Variants in SHISA9 observed in about 807,000 individuals in gnomAD.
SHISA9 encodes protein shisa-9.
Under a neutral mutation model 38.0 loss-of-function variants are expected in SHISA9, and 13 were observed. That is an observed-to-expected ratio of 0.34 (90% confidence interval 0.22 to 0.54). The LOEUF (loss-of-function observed/expected upper bound fraction) is 0.54, where lower values mean the gene tolerates loss of function less well. SHISA9 is among the 20% of genes least tolerant of loss of function. SHISA9 has a pLI of 0.91. For missense variants in SHISA9, 538 were observed against 575.8 expected (o/e 0.93, Z 0.67); for synonymous variants, 275 against 242.0 (o/e 1.14, Z -1.27).
the SHISA9 span, among the ~76,000 whole-genome samples, chr16:13,308,979 G>A: frequency 3.4e-4 from 52 of 151,898 alleles, no homozygotes; most frequent in East Asian, 1.9e-3. Context: ...TATGTGGGGA[G>A]GCTTAAAAGA....
At chr16:12,966,362 G>A (rs951314231) in intron 2 of SHISA9, among the ~76,000 whole-genome samples, 1 of 151,738 alleles carries the variant, frequency 6.6e-6, no homozygotes, top group Non-Finnish European at 1.5e-5. Context: ...ATCCTAAAGC[G>A]CTTTATCTCT....
At chr16:13,331,563 T>A in the SHISA9 span, 2 of 152,142 alleles carry the variant, frequency 1.3e-5, no homozygotes, top group Non-Finnish European at 2.9e-5. Flanking sequence ...AGTGTGTTAA[T>A]TTTTTTTAAA....
intron 2 of SHISA9, among the ~76,000 whole-genome samples, chr16:13,161,493 C>T (rs2050594733): frequency 6.6e-6 from 1 of 152,132 alleles, no homozygotes; most frequent in South Asian, 2.1e-4. Flanking sequence ...TGACTTTGGG[C>T]ATTTTTCTCA....
chr16:13,251,219 C>G, the SHISA9 span, among the ~76,000 whole-genome samples: 1 of 152,186 alleles, frequency 6.6e-6, no homozygotes, highest in Non-Finnish European at 1.5e-5. Flanking sequence ...TCTCCATACT[C>G]AGAGGAAAAG....
At chr16:13,343,523 A>T in the SHISA9 span, among the ~76,000 whole-genome samples, 6 of 152,164 alleles carry the variant, frequency 3.9e-5, no homozygotes, top group Non-Finnish European at 5.9e-5. Context: ...AATGTAAAGC[A>T]TATTCCATGA....
chr16:13,367,712 G>GCACACACACACACACA, the SHISA9 span, among the ~76,000 whole-genome samples: 11 of 104,690 alleles, frequency 1.1e-4, no homozygotes, highest in African/African-American at 3.1e-4. Flanking sequence ...GCGCGCGCGC[G>GCACACACACACACACA]CACACACACA....
At chr16:12,959,879 C>T (rs2071886817) in intron 2 of SHISA9, among the ~76,000 whole-genome samples, 1 of 152,186 alleles carries the variant, frequency 6.6e-6, no homozygotes, top group African/African-American at 2.4e-5. Flanking sequence ...GAACATAATA[C>T]TGTTTATTTT....
At chr16:13,451,367 C>T in the SHISA9 span, among the ~76,000 whole-genome samples, 1 of 152,314 alleles carries the variant, frequency 6.6e-6, no homozygotes, top group African/African-American at 2.4e-5. Flanking sequence ...CACAGATAAG[C>T]ACACACATCT....
At chr16:13,033,331 A>G (rs2073014386) in intron 2 of SHISA9, among the ~76,000 whole-genome samples, 2 of 152,228 alleles carry the variant, frequency 1.3e-5, no homozygotes, top group Non-Finnish European at 2.9e-5. Flanking sequence ...CTGAACAAGG[A>G]AGAATGAATA....
At chr16:13,553,101 A>G in the SHISA9 span, among the ~76,000 whole-genome samples, 1 of 152,128 alleles carries the variant, frequency 6.6e-6, no homozygotes, top group Non-Finnish European at 1.5e-5. Flanking sequence ...CCTGGGGGAC[A>G]AAAACACCCC....
chr16:13,023,519 C>T (rs1383738221), intron 2 of SHISA9, among the ~76,000 whole-genome samples: 2 of 152,124 alleles, frequency 1.3e-5, no homozygotes, highest in Admixed American at 6.5e-5. Context: ...ATTTATAATC[C>T]TTCGGGTATA....
At chr16:13,455,468 A>C in the SHISA9 span, among the ~76,000 whole-genome samples, 91 of 152,356 alleles carry the variant, frequency 6.0e-4, no homozygotes, top group Non-Finnish European at 1.0e-3. Flanking sequence ...AAAGAAAAAA[A>C]GTGACACAAA....
At chr16:13,388,215 G>A in the SHISA9 span, among the ~76,000 whole-genome samples, 2 of 152,158 alleles carry the variant, frequency 1.3e-5, no homozygotes, top group South Asian at 4.1e-4. Flanking sequence ...AGTCAAATAG[G>A]ATTCTATAGA....
At chr16:12,926,775 A>G (rs1422215013) in intron 2 of SHISA9, among the ~76,000 whole-genome samples, 1 of 152,246 alleles carries the variant, frequency 6.6e-6, no homozygotes, top group Non-Finnish European at 1.5e-5. Flanking sequence ...CTTCCCATCA[A>G]CTTGCTACGA....
chr16:13,505,835 C>A, the SHISA9 span, among the ~76,000 whole-genome samples: 3 of 152,308 alleles, frequency 2.0e-5, no homozygotes, highest in South Asian at 4.1e-4. Context: ...TTGCAGAAAC[C>A]TTTGTCCCCC....
the SHISA9 span, among the ~76,000 whole-genome samples, chr16:13,558,900 G>A: frequency 4.6e-5 from 7 of 152,184 alleles, no homozygotes; most frequent in African/African-American, 1.4e-4. Context: ...GCACATTTCT[G>A]TGAATGATTG....
At chr16:13,200,730 T>C (rs555921615) in intron 2 of SHISA9, among the ~76,000 whole-genome samples, 1 of 133,590 alleles carries the variant, frequency 7.5e-6, no homozygotes, top group South Asian at 2.3e-4. Flanking sequence ...GAAGGATACA[T>C]GCGTCTCTCC....
intron 2 of SHISA9, among the ~76,000 whole-genome samples, chr16:13,139,011 C>T (rs1003814613): frequency 3.3e-5 from 5 of 152,140 alleles, no homozygotes; most frequent in African/African-American, 1.2e-4. Context: ...CAACTCCTAT[C>T]CTCAAACGTG....
chr16:13,154,043 A>AT (rs2050522114), intron 2 of SHISA9, among the ~76,000 whole-genome samples: 1 of 152,080 alleles, frequency 6.6e-6, no homozygotes, highest in African/African-American at 2.4e-5. Flanking sequence ...TTTTGCAAGG[A>AT]TTTTGGCAGG....
Sources: gnomAD v4.1 joint callset for allele counts (sites outside exome capture counted in the v4.1 genomes callset) on GRCh38, gnomAD v4.1.1 for gene constraint, MANE v1.5 for transcripts, NCBI Gene and HGNC (gene_info 2026-07-23, HGNC 2026-07-21) for gene names.